Variants in RTTN observed in about 807,000 individuals in gnomAD.
RTTN encodes the protein rotatin.
RTTN carries 182 observed loss-of-function variants against 269.2 expected under a neutral mutation model. The ratio of observed to expected loss-of-function variants is 0.68; its 90% CI spans 0.60 to 0.76. The LOEUF is 0.76. Ranked by LOEUF, RTTN falls within the 30% of genes least tolerant of loss-of-function variation. The pLI is 0.00. For missense variants in RTTN, 2,545 were observed against 2,608.6 expected (o/e 0.98, Z 0.53); for synonymous variants, 1,006 against 963.5 (o/e 1.04, Z -0.82).
At chr18:70,171,484 T>C (rs149302559) in intron 11 of RTTN, among the ~76,000 whole-genome samples, 3 of 152,348 alleles carry the variant, frequency 2.0e-5, no homozygotes, top group Admixed American at 2.0e-4. Context: ...TGTTTCACCC[T>C]GCGTACTTGT....
At chr18:70,190,121 A>AT (rs1600014198) in intron 9 of RTTN, among the ~76,000 whole-genome samples, 2 of 152,032 alleles carry the variant, frequency 1.3e-5, no homozygotes, top group East Asian at 3.8e-4. Flanking sequence ...AAAGCCAAAG[A>AT]TTTTTTTATT....
rs2057268500 is a variant in RTTN at position 70,039,257 on chromosome 18, TA to T, written c.5542-8277del. Among the ~76,000 whole-genome samples the T allele has an allele frequency of 7.2e-5, 11 of 152,146 alleles. 1 individual carries two copies. In the South Asian group the frequency reaches 2.3e-3, roughly 32 times the overall value. ...TTTAACCCAAAGAAGACATTTAAGATATTTCATAATCAAACTCCTAAAGGTC... is the reference window on the plus strand; with the variant it reads ...TTTAACCCAAAGAAGACATTTAAGATTTTCATAATCAAACTCCTAAAGGTC... On this transcript the variant is annotated intron_variant, in intron 40 of 48. Transcript: ENST00000640769.
chr18:70,069,410 T>C (rs562741011), intron 34 of RTTN, among the ~76,000 whole-genome samples: 1 of 152,258 alleles, frequency 6.6e-6, no homozygotes, highest in African/African-American at 2.4e-5. Flanking sequence ...TGAAAAAAAT[T>C]GTTCTTCAGT....
chr18:70,188,329 T>G, intron 9 of RTTN, 106 bp from the exon 10 acceptor site: 1 of 635,028 alleles, frequency 1.6e-6, no homozygotes. Flanking sequence ...TGCTCCAACA[T>G]TTTCTCTTTT....
intron 1 of RTTN, 44 bp from the exon 2 acceptor site, chr18:70,205,359 A>G: frequency 6.2e-7 from 1 of 1,606,546 alleles, no homozygotes; most frequent in Non-Finnish European, 8.5e-7. Flanking sequence ...CCGACTGCAA[A>G]GAGACTACGT....
intron 3 of RTTN, among the ~76,000 whole-genome samples, chr18:70,202,662 G>A (rs2061981876): frequency 6.6e-6 from 1 of 152,200 alleles, no homozygotes; most frequent in Non-Finnish European, 1.5e-5. Flanking sequence ...AAAAATCACA[G>A]GTTTGGGAGC....
rs561535540 is a variant in RTTN, at chr18:70,005,115, G to A, written c.6595+83C>T. The A allele has an allele frequency of 7.0e-5, 64 of 917,878 alleles. No homozygotes were observed. In the South Asian group the frequency reaches 8.9e-4, roughly 13 times the overall value. 56.9% of individuals were successfully genotyped at this position (917,878 alleles called of 1,614,324 possible). A position where few individuals can be genotyped will look rare whatever the true frequency, so the allele number is the denominator to read the frequency against. On this transcript the variant is annotated intron_variant, in intron 48 of 48. Transcript: ENST00000640769. Reference sequence around the variant, plus strand: ...CATTTTACAATGCCATTTTGCTGTGGCCTGTCCAAATATCTCATTAATCAG... The same window carrying A: ...CATTTTACAATGCCATTTTGCTGTGACCTGTCCAAATATCTCATTAATCAG...
chr18:70,107,651 GTAAAC>G (rs1192750053), intron 28 of RTTN, among the ~76,000 whole-genome samples: 1 of 152,124 alleles, frequency 6.6e-6, no homozygotes. Flanking sequence ...AAAAAGAGCT[GTAAAC>G]TAAACTAAAA....
At chr18:70,011,070 A>G (rs1364986157) in intron 46 of RTTN, among the ~76,000 whole-genome samples, 3 of 152,158 alleles carry the variant, frequency 2.0e-5, no homozygotes, top group Admixed American at 2.0e-4. Flanking sequence ...GATCAATAAC[A>G]AGTTCTGAAA....
chr18:70,048,658 T>A lies in RTTN; in HGVS notation c.5324-470A>T, dbSNP rs561495635. ...TGATAATTATAACCATAAAAATTTT[T>A]ACTTAGATTTTGGCTTGTACAAATT... is the stretch of plus-strand genomic sequence containing the variant. On this transcript the variant is annotated intron_variant, in intron 39 of 48. Coordinates refer to ENST00000640769, the MANE Select transcript of RTTN (RefSeq NM_173630.4). Among the ~76,000 whole-genome samples the A allele has an allele frequency of 5.3e-5, 8 of 152,338 alleles. No homozygotes were observed. In the South Asian group the frequency reaches 1.0e-3, roughly 20 times the overall value.
intron 36 of RTTN, among the ~76,000 whole-genome samples, 192 bp downstream of exon 36, chr18:70,059,657 CA>C (rs2057919161): frequency 6.6e-6 from 1 of 152,046 alleles, no homozygotes; most frequent in South Asian, 2.1e-4. Flanking sequence ...CAAACTAATA[CA>C]AGTGCTTTAA....
chr18:70,085,739 T>C (rs8088854), intron 32 of RTTN, among the ~76,000 whole-genome samples: 2,953 of 152,178 alleles, frequency 0.019, 83 homozygotes, highest in African/African-American at 0.067. Flanking sequence ...AATCAAATAT[T>C]GCGTGTTCTC....
At chr18:70,112,341 A>G (rs2059489633) in intron 27 of RTTN, among the ~76,000 whole-genome samples, 1 of 152,192 alleles carries the variant, frequency 6.6e-6, no homozygotes, top group Non-Finnish European at 1.5e-5. Context: ...AAATGCCACA[A>G]TTAAAAGACA....
chr18:70,017,084 G>C (rs2056563035), intron 46 of RTTN, among the ~76,000 whole-genome samples: 1 of 152,142 alleles, frequency 6.6e-6, no homozygotes, highest in Admixed American at 6.5e-5. Flanking sequence ...AGATGCAGAA[G>C]AGGGGAGCTG....
In RTTN at chr18:70,127,559, C is replaced by A. The variant is rs1204127191; in HGVS notation, c.3326G>T (p.Cys1109Phe). ...CAAGGTAACCCCACATGGACCAGGG[C>A]AACCCTTTAAAGACAATCTGTCATT... ...LLNDRLSLKG[C>F]PGPCGVTLKS... Residue 1109 changes from cysteine (C) to phenylalanine (F), a missense_variant, in exon 25 of 49, where the codon TGC (cysteine) becomes TTC (phenylalanine). Transcript: ENST00000640769. 5 of 1,613,484 alleles carry A rather than the reference C, an allele frequency of 3.1e-6. No homozygotes were observed. The highest frequency in any genetic ancestry group is 2.5e-6 in the Non-Finnish European group (3 of 1,179,694).
In RTTN at chr18:70,205,222, T is replaced by G; in HGVS notation, c.125A>C (p.Glu42Ala). ...NLICYADLIQ[E>A]RQLFLHLLEW... is the part of the protein sequence containing the mutation. Reference sequence around the variant, plus strand: ...CAGCAAATGAAGAAAAAGTTGCCTCTCCTGAATGAGATCAGCGTAGCAGAT... The same window carrying G: ...CAGCAAATGAAGAAAAAGTTGCCTCGCCTGAATGAGATCAGCGTAGCAGAT... Residue 42 changes from glutamate (E) to alanine (A), a missense_variant, in exon 2 of 49, where the codon GAG becomes GCG. Transcript: ENST00000640769. 1.9e-6 allele frequency: 3 copies of G among 1,614,222 alleles called. No homozygotes were observed. Among genetic ancestry groups the G allele is most frequent in the Non-Finnish European group, 2.5e-6 (3 of 1,180,036 alleles).
At chr18:70,157,166 A>G (rs1186448192) in intron 14 of RTTN, among the ~76,000 whole-genome samples, 1 of 151,992 alleles carries the variant, frequency 6.6e-6, no homozygotes. Context: ...GCACTCTCCC[A>G]AAGCACCGCC....
intron 11 of RTTN, among the ~76,000 whole-genome samples, chr18:70,170,801 C>T (rs993843257): frequency 7.9e-5 from 12 of 152,108 alleles, no homozygotes; most frequent in Non-Finnish European, 1.5e-4. Context: ...CCAGGCAGGA[C>T]AGAATGGTGG....
At chr18:70,093,827 C>A (rs1047375428) in intron 28 of RTTN, among the ~76,000 whole-genome samples, 1 of 151,536 alleles carries the variant, frequency 6.6e-6, no homozygotes. Context: ...AAATGAGTTA[C>A]GGAGGATTCC....
Sources: gnomAD v4.1 joint callset for allele counts (sites outside exome capture counted in the v4.1 genomes callset) on GRCh38, gnomAD v4.1.1 for gene constraint, MANE v1.5 for transcripts, NCBI Gene and HGNC (gene_info 2026-07-23, HGNC 2026-07-21) for gene names.